Variants in SYNDIG1L observed in about 807,000 individuals in gnomAD.
SYNDIG1L encodes synapse differentiation inducing 1 like, also known as synapse differentiation-inducing gene protein 1-like.
Under a neutral mutation model 20.1 loss-of-function variants are expected in SYNDIG1L, and 13 were observed. That is an observed-to-expected ratio of 0.65 (90% CI 0.42 to 1.03). SYNDIG1L has a LOEUF of 1.03. Among genes scored for constraint, SYNDIG1L ranks in the 50% least tolerant of loss-of-function variants. The probability of loss-of-function intolerance (pLI) is 0.00; values close to 1 mark genes in which losing one functional copy is unlikely to be tolerated. For missense variants in SYNDIG1L, 294 were observed against 305.1 expected, an observed-to-expected ratio of 0.96 and a Z score of 0.27; for synonymous variants, 128 against 129.3, an observed-to-expected ratio of 0.99 and a Z score of 0.07.
the SYNDIG1L span, among the ~76,000 whole-genome samples, chr14:74,466,095 C>G: frequency 6.6e-6 from 1 of 152,216 alleles, no homozygotes; most frequent in African/African-American, 2.4e-5. Flanking sequence ...CCTTCCCATT[C>G]GGCCAGCCAG....
Position 74,425,321 on chromosome 14 carries a change from C to T in SYNDIG1L, c.-58+591G>A, listed in dbSNP as rs142292101. ...TGCAAATCCTGCCTGCTTCTGTGAG[C>T]GTCAAGAGTGTCATAGGAAAAAAAA... On this transcript the variant is annotated intron_variant, in intron 1 of 3. Transcript: ENST00000331628. Among the ~76,000 whole-genome samples the T allele has an allele frequency of 8.2e-3, 1,251 of 152,316 alleles. 9 individuals are homozygous for T. The highest frequency in any genetic ancestry group is 0.012 in the Non-Finnish European group (843 of 68,026).
At chr14:74,445,065 A>C in the SYNDIG1L span, among the ~76,000 whole-genome samples, 2 of 152,120 alleles carry the variant, frequency 1.3e-5, no homozygotes, top group African/African-American at 4.8e-5. Context: ...TGGATCCCTA[A>C]TGAATGGCAT....
chr14:74,461,567 C>T, the SYNDIG1L span, among the ~76,000 whole-genome samples: 1 of 152,096 alleles, frequency 6.6e-6, no homozygotes, highest in Non-Finnish European at 1.5e-5. Context: ...AAACCTCATT[C>T]AATTGATTTC....
At chr14:74,427,657 G>A (rs2086276950), upstream of SYNDIG1L, among the ~76,000 whole-genome samples, 1 of 152,162 alleles carries the variant, frequency 6.6e-6, no homozygotes, top group Admixed American at 6.5e-5. Context: ...ATAATGCAGT[G>A]AGAAGCCCCC....
the SYNDIG1L span, among the ~76,000 whole-genome samples, chr14:74,445,577 C>T: frequency 4.9e-3 from 749 of 152,082 alleles, no homozygotes; most frequent in Non-Finnish European, 6.3e-3. Flanking sequence ...TGGGTTCAAG[C>T]GATTCTCCTG....
Position 74,407,504 on chromosome 14 carries a change from A to G in SYNDIG1L, c.*31T>C. On this transcript the variant is annotated 3_prime_UTR_variant, in exon 4 of 4. Coordinates refer to ENST00000331628, the MANE Select transcript of SYNDIG1L (RefSeq NM_001105579.2). ...AGCCCCACTGCTTCCTCAGGTGGGC[A>G]GGGGAGTCAGGATGCAGGCCCTACT... 6.2e-7 allele frequency: 1 copy of G among 1,612,274 alleles called. No individual in the cohort carries two copies. Among genetic ancestry groups the G allele is most frequent in the Non-Finnish European group, 8.5e-7 (1 of 1,179,742 alleles).
chr14:74,441,134 T>C, the SYNDIG1L span, among the ~76,000 whole-genome samples: 2 of 152,246 alleles, frequency 1.3e-5, no homozygotes, highest in South Asian at 4.1e-4. Flanking sequence ...CTAGAATAGA[T>C]ATATGAGTCC....
the SYNDIG1L span, among the ~76,000 whole-genome samples, chr14:74,441,342 G>A: frequency 6.6e-6 from 1 of 152,098 alleles, no homozygotes; most frequent in African/African-American, 2.4e-5. Flanking sequence ...TTTGTCCCTC[G>A]GACACTGAGC....
In SYNDIG1L at chr14:74,425,905, C is replaced by A. The variant is rs117114690; in HGVS notation, c.-58+7G>T. The A allele has an allele frequency of 0.031, 4,744 of 152,248 alleles. 111 individuals are homozygous for A. The highest frequency in any genetic ancestry group is 0.056 in the South Asian group (268 of 4,822). 9.4% of individuals were successfully genotyped at this position (152,248 alleles called of 1,614,324 possible). ...CGCTCCCGCGGCGCCCCCAGACCGC[C>A]CCTTACCTGTCCCGCCGCGGACGGT... On this transcript the variant is annotated splice_region_variant and intron_variant, in intron 1 of 3. Transcript: ENST00000331628.
chr14:74,477,187 C>T, the SYNDIG1L span, among the ~76,000 whole-genome samples: 3,726 of 151,922 alleles, frequency 0.025, 82 homozygotes, highest in Non-Finnish European at 0.036. Context: ...TAAGGCATAC[C>T]CCAACCTCTA....
intron 1 of SYNDIG1L, among the ~76,000 whole-genome samples, chr14:74,423,186 C>T (rs1315496924): frequency 6.6e-6 from 1 of 152,132 alleles, no homozygotes; most frequent in African/African-American, 2.4e-5. Context: ...AGGAAGCAGC[C>T]AATGGGTAGT....
At chr14:74,476,481 A>AC in the SYNDIG1L span, 5 of 1,516,854 alleles carry the variant, frequency 3.3e-6, no homozygotes, top group South Asian at 2.4e-5. Context: ...AGCCACACTG[A>AC]CATGCCACGT....
rs1318425254 is a variant in SYNDIG1L at position 74,409,330 on chromosome 14, C to A, written c.415G>T (p.Glu139Ter). 1 of 1,545,606 alleles carries A rather than the reference C, an allele frequency of 6.5e-7. No homozygotes were observed. The highest frequency in any genetic ancestry group is 8.7e-7 in the Non-Finnish European group (1 of 1,144,390). ...RDQEDDQEEE[E>*]SDATSTESES... ...GCATTTTAACCTCATGCACTCACCT[C>A]CTCTTCCTCCTGGTCATCCTCCTGG... The change falls in exon 2 of 4, where the codon GAG becomes TAG. Residue 139 changes from glutamate to a stop codon, truncating the protein, a stop_gained and splice_region_variant. Transcript: ENST00000331628. LOFTEE classifies it high-confidence loss of function.
the SYNDIG1L span, among the ~76,000 whole-genome samples, chr14:74,447,256 TCAAA>T: frequency 6.6e-6 from 1 of 152,104 alleles, no homozygotes; most frequent in Non-Finnish European, 1.5e-5. Context: ...AATTCACTAG[TCAAA>T]CAATAATAGC....
intron 1 of SYNDIG1L, among the ~76,000 whole-genome samples, chr14:74,416,488 A>G (rs1014758371): frequency 2.0e-5 from 3 of 152,078 alleles, no homozygotes; most frequent in Non-Finnish European, 2.9e-5. Flanking sequence ...AAAAAAATCA[A>G]TCAGGTGTGG....
At chr14:74,469,639 G>T in the SYNDIG1L span, among the ~76,000 whole-genome samples, 6 of 152,200 alleles carry the variant, frequency 3.9e-5, no homozygotes, top group Non-Finnish European at 5.9e-5. Flanking sequence ...TCGCCTGAAG[G>T]GTGGTTTTGA....
chr14:74,466,843 A>G, the SYNDIG1L span, among the ~76,000 whole-genome samples: 17,712 of 152,234 alleles, frequency 0.12, 2,152 homozygotes, highest in African/African-American at 0.3. Flanking sequence ...CCATTGCTCA[A>G]TCACACATTG....
At chr14:74,462,968 A>G in the SYNDIG1L span, among the ~76,000 whole-genome samples, 2 of 152,108 alleles carry the variant, frequency 1.3e-5, no homozygotes, top group Admixed American at 1.3e-4. Context: ...CAACTCCAAT[A>G]CAATGTGGCA....
At chr14:74,478,637 CAGTGGACACA>C in the SYNDIG1L span, among the ~76,000 whole-genome samples, 4 of 152,150 alleles carry the variant, frequency 2.6e-5, no homozygotes, top group Non-Finnish European at 5.9e-5. Flanking sequence ...AATAGGGAGA[CAGTGGACACA>C]TGAGAATTGA....
Sources: allele counts gnomAD v4.1 joint callset (sites outside exome capture counted in the v4.1 genomes callset), GRCh38; gene constraint gnomAD v4.1.1; transcripts MANE v1.5; gene names NCBI Gene and HGNC (gene_info 2026-07-23, HGNC 2026-07-21).